The following PBX1 variants were observed in gnomAD, a reference collection of about 807,000 sequenced individuals.
PBX1 encodes the protein pre-B-cell leukemia transcription factor 1.
In PBX1, 6 loss-of-function variants were observed where a neutral mutation model predicts 53.4. The ratio of observed to expected loss-of-function variants is 0.11; its 90% CI spans 0.06 to 0.22. PBX1 has a LOEUF of 0.22. PBX1 is among the 10% of genes least tolerant of loss of function. The probability of loss-of-function intolerance (pLI) is 1.00; values close to 1 mark genes in which losing one functional copy is unlikely to be tolerated. For missense variants in PBX1, 251 were observed against 551.4 expected, an observed-to-expected ratio of 0.46 and a Z score of 5.46; for synonymous variants, 204 against 212.3, an observed-to-expected ratio of 0.96 and a Z score of 0.34.
At chr1:164,860,230 T>C (rs1419063) in intron 2 of PBX1, among the ~76,000 whole-genome samples, 74,746 of 151,404 alleles carry the variant, frequency 0.49, 18,601 homozygotes, top group Non-Finnish European at 0.52. Context: ...TGCAGGTGTA[T>C]AATTCCAAAC....
At chr1:164,775,912 G>A (rs1457712163) in intron 2 of PBX1, among the ~76,000 whole-genome samples, 3 of 152,188 alleles carry the variant, frequency 2.0e-5, no homozygotes, top group African/African-American at 7.2e-5. Context: ...CTGGAGTAAG[G>A]AAATAAGGAT....
chr1:164,660,422 C>G (rs1356307277), intron 2 of PBX1, among the ~76,000 whole-genome samples: 1 of 152,180 alleles, frequency 6.6e-6, no homozygotes, highest in Non-Finnish European at 1.5e-5. Flanking sequence ...AGACCCAAAA[C>G]ACCTGTGTGG....
chr1:164,601,623 A>G (rs74978609), intron 2 of PBX1, among the ~76,000 whole-genome samples: 128 of 152,318 alleles, frequency 8.4e-4, no homozygotes, highest in African/African-American at 3.0e-3. Flanking sequence ...TAATTTTGGC[A>G]GAACAGGGCA....
intron 2 of PBX1, among the ~76,000 whole-genome samples, chr1:164,588,465 G>A (rs1655107031): frequency 7.6e-6 from 1 of 132,282 alleles, no homozygotes; most frequent in Admixed American, 8.0e-5. Context: ...AATACACTCC[G>A]GACTAAGCTT....
chr1:164,863,426 C>A (rs1672143330), intron 2 of PBX1, among the ~76,000 whole-genome samples: 1 of 152,096 alleles, frequency 6.6e-6, no homozygotes, highest in South Asian at 2.1e-4. Flanking sequence ...GTTCTGAGTG[C>A]CAGGGATGAC....
chr1:164,661,507 A>G (rs1571170781), intron 2 of PBX1, among the ~76,000 whole-genome samples: 1 of 150,278 alleles, frequency 6.7e-6, no homozygotes, highest in South Asian at 2.1e-4. Flanking sequence ...GCTCACTGCA[A>G]CCTCCACCTC....
chr1:164,578,149 A>C (rs528838819), intron 2 of PBX1, among the ~76,000 whole-genome samples: 30 of 152,116 alleles, frequency 2.0e-4, no homozygotes, highest in Non-Finnish European at 4.1e-4. Flanking sequence ...ATTTGGGTAT[A>C]AGTATGCAAA....
intron 3 of PBX1, among the ~76,000 whole-genome samples, chr1:164,796,593 C>T (rs1668800365): frequency 1.3e-5 from 2 of 152,124 alleles, no homozygotes; most frequent in South Asian, 4.1e-4. Context: ...CAATCCAATC[C>T]ATCTTTTTGA....
chr1:164,613,418 T>C (rs1020482853), intron 2 of PBX1, among the ~76,000 whole-genome samples: 1 of 152,154 alleles, frequency 6.6e-6, no homozygotes, highest in African/African-American at 2.4e-5. Flanking sequence ...TTGAATTCAT[T>C]CTCTCTTCTC....
At chr1:164,571,908 TATATATATGC>T (rs1653904515) in intron 2 of PBX1, among the ~76,000 whole-genome samples, 2 of 121,592 alleles carry the variant, frequency 1.6e-5, no homozygotes, top group Non-Finnish European at 3.4e-5. Context: ...TATATATATA[TATATATATGC>T]TTTTTTTTTT....
chr1:164,804,457 T>G (rs1050576767), intron 4 of PBX1, among the ~76,000 whole-genome samples: 1 of 152,214 alleles, frequency 6.6e-6, no homozygotes, highest in Non-Finnish European at 1.5e-5. Flanking sequence ...TAAATTAAAA[T>G]AAATAAACAT....
downstream of PBX1, among the ~76,000 whole-genome samples, chr1:164,853,057 A>G (rs1209274404): frequency 2.0e-5 from 3 of 152,226 alleles, no homozygotes; most frequent in East Asian, 5.8e-4. Flanking sequence ...CACTTACGGT[A>G]TAGCCTAAGG....
chr1:164,874,212 T>C (rs1187390374), intron 2 of PBX1, among the ~76,000 whole-genome samples: 1 of 152,162 alleles, frequency 6.6e-6, no homozygotes, highest in Admixed American at 6.5e-5. Flanking sequence ...CTATAGAATA[T>C]AACTTAATAT....
rs10918076 is a variant in PBX1 at position 164,838,093 on chromosome 1, A to G, written c.1201-8491A>G. ...TAGGATGTTGGCAGGAGGGCACACT[A>G]TGATGGTGCTACAGTTGATGGAATC... On this transcript the variant is annotated intron_variant, in intron 8 of 8. Transcript: ENST00000420696. Among the ~76,000 whole-genome samples, 6 of 152,160 alleles carry G rather than the reference A, an allele frequency of 3.9e-5. No individual in the cohort carries two copies. The East Asian group carries it at 1.2e-3, about 29-fold the overall frequency.
At chr1:164,788,760 C>CG (rs1331792904) in intron 2 of PBX1, among the ~76,000 whole-genome samples, 1 of 141,788 alleles carries the variant, frequency 7.1e-6, no homozygotes, top group Non-Finnish European at 1.5e-5. Context: ...CCTCCCCCCC[C>CG]CGCCCTTTTC....
At chr1:164,653,396 A>AT (rs1304162773) in intron 2 of PBX1, among the ~76,000 whole-genome samples, 1 of 151,712 alleles carries the variant, frequency 6.6e-6, no homozygotes, top group Non-Finnish European at 1.5e-5. Context: ...GTAAGATACA[A>AT]TTTTTTTATA....
intron 5 of PBX1, among the ~76,000 whole-genome samples, chr1:164,807,987 A>G (rs1188750250): frequency 6.6e-6 from 1 of 152,238 alleles, no homozygotes; most frequent in Non-Finnish European, 1.5e-5. Context: ...AAAGTGTACT[A>G]GGAAAGTTAT....
intron 2 of PBX1, among the ~76,000 whole-genome samples, chr1:164,654,682 T>G (rs1660042857): frequency 6.6e-6 from 1 of 152,248 alleles, no homozygotes; most frequent in African/African-American, 2.4e-5. Context: ...TTCTACTTTC[T>G]TCTCCATTCC....
At chr1:164,862,834 G>A (rs547732742) in intron 2 of PBX1, among the ~76,000 whole-genome samples, 1 of 152,178 alleles carries the variant, frequency 6.6e-6, no homozygotes, top group Non-Finnish European at 1.5e-5. Flanking sequence ...GAAGATTCCA[G>A]GAAGCAGGGA....
Sources: allele counts gnomAD v4.1 joint callset (sites outside exome capture counted in the v4.1 genomes callset), GRCh38; gene constraint gnomAD v4.1.1; transcripts MANE v1.5; gene names NCBI Gene and HGNC (gene_info 2026-07-23, HGNC 2026-07-21).